Variants in CUBN observed in about 807,000 individuals in gnomAD.
The protein encoded by CUBN is 460 kDa receptor.
A neutral mutation model predicts 405.3 loss-of-function variants in CUBN; 282 were observed. The ratio of observed to expected loss-of-function variants is 0.70; its 90% CI spans 0.63 to 0.77. CUBN has a LOEUF of 0.77. Ranked by LOEUF, CUBN falls within the 30% of genes least tolerant of loss-of-function variation. The pLI is 0.00. For synonymous variants in CUBN, 1,684 were observed against 1,617.0 expected, an observed-to-expected ratio of 1.04 and a Z score of -0.99; for missense variants, 4,514 against 4,475.2, an observed-to-expected ratio of 1.01 and a Z score of -0.25.
At chr10:16,975,530 C>T (rs61841501) in intron 31 of CUBN, among the ~76,000 whole-genome samples, 8,687 of 151,618 alleles carry the variant, frequency 0.057, 358 homozygotes, top group Non-Finnish European at 0.088. Flanking sequence ...ACCATGCAGA[C>T]GAGGGAGGAA....
At chr10:16,935,891 A>G (rs1284014149) in intron 39 of CUBN, among the ~76,000 whole-genome samples, 1 of 150,932 alleles carries the variant, frequency 6.6e-6, no homozygotes, top group Non-Finnish European at 1.5e-5. Context: ...AAAAAAAAAA[A>G]AAAAAGAAAA....
chr10:16,828,627 A>G (rs1838866978), intron 66 of CUBN, among the ~76,000 whole-genome samples, 178 bp downstream of exon 66: 2 of 152,000 alleles, frequency 1.3e-5, no homozygotes, highest in South Asian at 4.1e-4. Flanking sequence ...CTGAGGCAGG[A>G]GAATTGCTTG....
At chr10:16,944,702 G>T (rs1214239197) in intron 36 of CUBN, among the ~76,000 whole-genome samples, 1 of 152,164 alleles carries the variant, frequency 6.6e-6, no homozygotes, top group African/African-American at 2.4e-5. Context: ...CTTCTTACAG[G>T]CGAGAAAGGA....
intron 29 of CUBN, among the ~76,000 whole-genome samples, chr10:16,987,867 A>C (rs188589813): frequency 6.6e-6 from 1 of 152,320 alleles, no homozygotes; most frequent in African/African-American, 2.4e-5. Context: ...TTTAGCTTTC[A>C]GAAAAAAACT....
chr10:16,982,592 A>G lies in CUBN; in HGVS notation c.4587T>C (p.Pro1529=). 1 of 1,613,694 alleles carries G rather than the reference A, an allele frequency of 6.2e-7. No individual in the cohort carries two copies. Among genetic ancestry groups the G allele is most frequent in the East Asian group, 2.2e-5 (1 of 44,862 alleles). The change falls in exon 31 of 67, where the codon CCT becomes CCC. Residue 1529 remains proline, a synonymous_variant. Transcript: ENST00000377833. ...AAGAACAGTCTGTGTTGCTCCTATA[A>G]GGACTGGGGTAATTTGGAGAATGAA... is the stretch of plus-strand genomic sequence containing the variant. The part of the protein sequence containing the change: ...GEIHSPNYPS[P]YRSNTDCSWV...
At chr10:16,964,773 C>T (rs1363374366) in intron 31 of CUBN, among the ~76,000 whole-genome samples, 1 of 152,154 alleles carries the variant, frequency 6.6e-6, no homozygotes, top group African/African-American at 2.4e-5. Context: ...CTTGCTGCCG[C>T]CAGGAATGTA....
intron 66 of CUBN, 102 bp from the exon 67 acceptor site, chr10:16,825,184 T>C: frequency 1.3e-6 from 1 of 780,320 alleles, no homozygotes; most frequent in South Asian, 1.5e-5. Context: ...AGAAACTTTA[T>C]AGAATTTATG....
At chr10:16,954,333 CCAAA>C in intron 32 of CUBN, 52 bp downstream of exon 32, 2 of 1,598,176 alleles carry the variant, frequency 1.3e-6, no homozygotes, top group Non-Finnish European at 1.7e-6. Flanking sequence ...CACTGTTGCA[CCAAA>C]CAGAGCACTG....
chr10:16,856,466 T>A (rs1207553196), intron 59 of CUBN, among the ~76,000 whole-genome samples: 2 of 152,246 alleles, frequency 1.3e-5, no homozygotes, highest in Admixed American at 1.3e-4. Context: ...TAAATCTACT[T>A]AATTAAAAAT....
At chr10:17,083,282 G>A (rs1836012599) in intron 17 of CUBN, among the ~76,000 whole-genome samples, 2 of 152,012 alleles carry the variant, frequency 1.3e-5, no homozygotes, top group Admixed American at 1.3e-4. Flanking sequence ...GAGGCCGGAG[G>A]ATCACCTGAG....
At chr10:17,124,881 G>A (rs1837137133) in intron 4 of CUBN, among the ~76,000 whole-genome samples, 1 of 152,094 alleles carries the variant, frequency 6.6e-6, no homozygotes, top group Non-Finnish European at 1.5e-5. Context: ...ACCCAGGCTG[G>A]AGTGCAGTGG....
intron 22 of CUBN, among the ~76,000 whole-genome samples, chr10:17,057,183 G>A (rs1008031437): frequency 2.0e-5 from 3 of 152,138 alleles, no homozygotes; most frequent in African/African-American, 7.2e-5. Context: ...CTTCACTGAG[G>A]TATCAGTGTT....
rs1314209626 is a variant in CUBN, at chr10:16,952,358, A to G, written c.4887T>C (p.Phe1629=). Residue 1629 remains phenylalanine (F), a synonymous_variant, in exon 33 of 67, where the codon TTT becomes TTC. Transcript: ENST00000377833. ...ACGGHILTSS[F]DTVSSPRFPA... is the part of the protein sequence containing the mutation. ...GGAACCGTGGAGAGGAAACAGTATC[A>G]AATGAGCTGGTGAGGATGTGGCCTC... 1 of 1,613,934 alleles carries G rather than the reference A, an allele frequency of 6.2e-7. No homozygotes were observed. Among genetic ancestry groups the G allele is most frequent in the Non-Finnish European group, 8.5e-7 (1 of 1,179,802 alleles).
chr10:17,116,471 G>A (rs746524655), intron 6 of CUBN, among the ~76,000 whole-genome samples: 9 of 152,152 alleles, frequency 5.9e-5, no homozygotes, highest in African/African-American at 1.2e-4. Flanking sequence ...GCCGATTGCC[G>A]GACTTGAGCA....
chr10:16,869,599 G>T, intron 59 of CUBN, 37 bp downstream of exon 59: 1 of 1,414,574 alleles, frequency 7.1e-7, no homozygotes, highest in Non-Finnish European at 1.0e-6. Context: ...AAAGGTAACA[G>T]TCCTGACAAA....
chr10:17,114,549 G>A (rs1325655467), intron 7 of CUBN, among the ~76,000 whole-genome samples: 1 of 152,162 alleles, frequency 6.6e-6, no homozygotes, highest in African/African-American at 2.4e-5. Flanking sequence ...AATTCCGTTT[G>A]TTTTTCTTTG....
At chr10:17,001,499 C>T (rs1017834595) in intron 28 of CUBN, among the ~76,000 whole-genome samples, 8 of 152,296 alleles carry the variant, frequency 5.3e-5, no homozygotes, top group Middle Eastern at 3.4e-3. Context: ...CACAGAGCGC[C>T]GACTGGCGCA....
intron 25 of CUBN, 45 bp from the exon 26 acceptor site, chr10:17,044,028 A>T (rs1225771557): frequency 1.3e-6 from 2 of 1,528,456 alleles, no homozygotes; most frequent in Non-Finnish European, 1.8e-6. Flanking sequence ...GACTATAAAC[A>T]TTATGTAAAG....
rs768695182 is a variant in CUBN, at chr10:17,103,236, A to T, written c.1419T>A (p.Val473=). 7 of 1,589,382 alleles carry T rather than the reference A, an allele frequency of 4.4e-6. No homozygotes were observed. Among genetic ancestry groups the T allele is most frequent in the Non-Finnish European group, 6.0e-6 (7 of 1,157,512 alleles). ...TGALCQVPQQ[V]CGESLSGING... ...TTATTCCTGAGAGGGACTCTCCACA[A>T]ACTGCAAAGGAAAAGATGAACTGTG... The change falls in exon 13 of 67, where the codon GTT becomes GTA. Residue 473 remains valine, a splice_region_variant and synonymous_variant. Coordinates refer to ENST00000377833, the MANE Select transcript of CUBN (RefSeq NM_001081.4).
Sources: gnomAD v4.1 joint callset for allele counts (sites outside exome capture counted in the v4.1 genomes callset) on GRCh38, gnomAD v4.1.1 for gene constraint, MANE v1.5 for transcripts, NCBI Gene and HGNC (gene_info 2026-07-23, HGNC 2026-07-21) for gene names.